The following FAM81A variants were observed in gnomAD, a reference collection of about 807,000 sequenced individuals.
FAM81A encodes protein FAM81A.
Under a neutral mutation model 46.7 loss-of-function variants are expected in FAM81A, and 19 were observed. The ratio of observed to expected loss-of-function variants is 0.41; its 90% CI spans 0.28 to 0.60. The LOEUF (loss-of-function observed/expected upper bound fraction) is 0.60. FAM81A is among the 20% of genes least tolerant of loss of function. FAM81A has a pLI of 0.34. For missense variants in FAM81A, 377 were observed against 453.5 expected, an observed-to-expected ratio of 0.83 and a Z score of 1.53; for synonymous variants, 183 against 152.9, an observed-to-expected ratio of 1.20 and a Z score of -1.45.
intron 3 of FAM81A, among the ~76,000 whole-genome samples, chr15:59,463,442 G>A (rs577223790): frequency 5.3e-5 from 8 of 152,198 alleles, no homozygotes; most frequent in African/African-American, 1.9e-4. Flanking sequence ...CTTTTTAAAA[G>A]GTAGTTTTGG....
intron 1 of FAM81A, among the ~76,000 whole-genome samples, chr15:59,453,576 T>C (rs978195695): frequency 3.3e-5 from 5 of 152,128 alleles, no homozygotes; most frequent in Non-Finnish European, 7.3e-5. Context: ...ACCACCATGT[T>C]TTCTATGAGA....
chr15:59,467,499 GCTCT>G (rs1336526423), intron 3 of FAM81A, among the ~76,000 whole-genome samples: 3 of 152,046 alleles, frequency 2.0e-5, no homozygotes, highest in East Asian at 1.9e-4. Context: ...TCATGATTTG[GCTCT>G]CTGTTTGTCT....
chr15:59,503,802 G>C (rs145788826), intron 4 of FAM81A, among the ~76,000 whole-genome samples: 1,881 of 152,138 alleles, frequency 0.012, 56 homozygotes, highest in African/African-American at 0.044. Context: ...CAAACTCCTG[G>C]CCTCAAGTGA....
chr15:59,451,892 C>T (rs1412759107), intron 1 of FAM81A, among the ~76,000 whole-genome samples: 2 of 152,182 alleles, frequency 1.3e-5, no homozygotes, highest in African/African-American at 4.8e-5. Flanking sequence ...TACTTCAATT[C>T]AGTTATCTCT....
intron 4 of FAM81A, among the ~76,000 whole-genome samples, chr15:59,499,919 C>T (rs1266236870): frequency 6.7e-5 from 10 of 148,534 alleles, no homozygotes; most frequent in Non-Finnish European, 8.9e-5. Flanking sequence ...GTGGCATGAT[C>T]TCAGCTCACT....
At chr15:59,435,917 T>C (rs1233446339), upstream of FAM81A, among the ~76,000 whole-genome samples, 1 of 151,546 alleles carries the variant, frequency 6.6e-6, no homozygotes, top group Non-Finnish European at 1.5e-5. Flanking sequence ...GGGAAAGAGT[T>C]GGAAAGAAAC....
rs1291037779 is a variant in FAM81A at position 59,460,031 on chromosome 15, A to G, written c.119A>G (p.His40Arg). 6.2e-7 allele frequency: 1 copy of G among 1,613,954 alleles called. No individual in the cohort carries two copies. Among genetic ancestry groups the G allele is most frequent in the Non-Finnish European group, 8.5e-7 (1 of 1,179,880 alleles). Residue 40 changes from histidine (H) to arginine (R), a missense_variant, in exon 3 of 9, where the codon CAT becomes CGT. Physicochemically the swap from His to Arg is conservative, Grantham distance 29. Coordinates refer to ENST00000288228, the MANE Select transcript of FAM81A (RefSeq NM_152450.3). The surrounding 1 kb of genome is among the most constrained non-coding windows in gnomAD (Gnocchi z 4.4). The stretch of plus-strand genomic sequence containing the variant: ...CAGCTGGAAGACAGGATCCTCTGCC[A>G]TGAGAAAACCACCGCCGCCCTCGTA... ...VEQLEDRILC[H>R]EKTTAALVEH...
intron 1 of FAM81A, among the ~76,000 whole-genome samples, chr15:59,443,169 G>A (rs550864494): frequency 2.6e-5 from 4 of 152,206 alleles, no homozygotes; most frequent in South Asian, 4.2e-4. Context: ...TGCAGCCTCC[G>A]CCTCCCTGGT....
At position 59,448,541 on chromosome 15, in the gene FAM81A, G is replaced by GATAGATAGATAGA. The variant is rs1555428230; in HGVS notation, c.-77-10009_-77-10008insATAGATAGATAGA. Among the ~76,000 whole-genome samples the GATAGATAGATAGA allele has an allele frequency of 8.1e-3, 1,227 of 151,918 alleles. 13 individuals are homozygous for GATAGATAGATAGA. Among genetic ancestry groups the GATAGATAGATAGA allele is most frequent in the South Asian group, 0.014 (69 of 4,808 alleles). ...AATGTTTAGTAAGATAGATAGATAG[G>GATAGATAGATAGA]TAGATAGATAGATAGATAAAGCATA... On this transcript the variant is annotated intron_variant, in intron 1 of 8. Transcript: ENST00000288228.
chr15:59,519,776 T>C lies in FAM81A; in HGVS notation c.983-1478T>C, dbSNP rs145762978. Among the ~76,000 whole-genome samples, 25 of 152,300 alleles carry C rather than the reference T, an allele frequency of 1.6e-4. No individual in the cohort carries two copies. In the East Asian group the frequency reaches 4.0e-3, roughly 25 times the overall value. On this transcript the variant is annotated intron_variant, in intron 8 of 8. Coordinates refer to ENST00000288228, the MANE Select transcript of FAM81A (RefSeq NM_152450.3). Reference sequence around the variant, plus strand: ...AAAGCTGAATAATATTCATCATTTGTATATATACACAATTTCTTTATTCAC... The same window carrying C: ...AAAGCTGAATAATATTCATCATTTGCATATATACACAATTTCTTTATTCAC...
intron 3 of FAM81A, among the ~76,000 whole-genome samples, chr15:59,477,409 A>G (rs531119069): frequency 7.9e-5 from 12 of 152,178 alleles, no homozygotes; most frequent in East Asian, 3.9e-4. Flanking sequence ...TTATATTACA[A>G]AAGTAAAGCT....
At position 59,521,301 on chromosome 15, in the gene FAM81A, G is replaced by C. The variant is rs762099996; in HGVS notation, c.1030G>C (p.Glu344Gln). 6.2e-7 allele frequency: 1 copy of C among 1,613,666 alleles called. No individual in the cohort carries two copies. Among genetic ancestry groups the C allele is most frequent in the African/African-American group, 1.3e-5 (1 of 74,898 alleles). The change falls in exon 9 of 9, where the codon GAG (glutamate) becomes CAG (glutamine). Residue 344 changes from glutamate to glutamine, a missense_variant. Coordinates refer to ENST00000288228, the MANE Select transcript of FAM81A (RefSeq NM_152450.3). ...ESIGSLRQVL[E>Q]AKMKLDRDQL... ...CATAGGATCCCTCAGGCAAGTTCTC[G>C]AGGCCAAGATGAAGCTGGACAGGGA...
At chr15:59,416,591 G>A (rs540136063) in intron 2 of FAM81A, among the ~76,000 whole-genome samples, 3 of 152,024 alleles carry the variant, frequency 2.0e-5, no homozygotes, top group Non-Finnish European at 4.4e-5. Flanking sequence ...TGTGGGGTGG[G>A]GCATCAACAT....
At chr15:59,491,069 C>T (rs2081975434) in intron 3 of FAM81A, among the ~76,000 whole-genome samples, 1 of 152,082 alleles carries the variant, frequency 6.6e-6, no homozygotes, top group Admixed American at 6.6e-5. Context: ...TAGGTATATA[C>T]CTACAAGAAA....
chr15:59,454,653 T>A lies in FAM81A; in HGVS notation c.-77-3897T>A, dbSNP rs181277665. On this transcript the variant is annotated intron_variant, in intron 1 of 8. Coordinates refer to ENST00000288228, the MANE Select transcript of FAM81A (RefSeq NM_152450.3). ...TCTTTTTTCTTTTTTTGAGACAGGG[T>A]CTTACTCTGTCACCCAGGCTAGAGT... Among the ~76,000 whole-genome samples the A allele has an allele frequency of 3.3e-3, 506 of 152,124 alleles. 3 individuals are homozygous for A. The highest frequency in any genetic ancestry group is 4.3e-3 in the Non-Finnish European group (293 of 68,004).
intron 3 of FAM81A, among the ~76,000 whole-genome samples, chr15:59,461,471 T>A (rs575058168): frequency 6.6e-6 from 1 of 152,114 alleles, no homozygotes; most frequent in South Asian, 2.1e-4. Context: ...TTTTTAATAC[T>A]ACAAGGTCCA....
At position 59,460,294 on chromosome 15, in the gene FAM81A, C is replaced by G. The variant is rs748621376; in HGVS notation, c.294+88C>G. 6.6e-7 allele frequency: 1 copy of G among 1,518,268 alleles called. No individual in the cohort carries two copies. Among genetic ancestry groups the G allele is most frequent in the Admixed American group, 1.7e-5 (1 of 59,892 alleles). The allele number at this position is 1,518,268 out of a possible 1,614,324, so 94.0% of individuals were successfully genotyped here. ...GTCACCCACATCTAACTCCTACCTC[C>G]CAGGCAGTACTGCATTTAGAACAAA... is the stretch of plus-strand genomic sequence containing the variant. On this transcript the variant is annotated intron_variant, in intron 3 of 8. Transcript: ENST00000288228. The surrounding 1 kb of genome is among the most constrained non-coding windows in gnomAD (Gnocchi z 4.4).
intron 1 of FAM81A, chr15:59,443,910 C>T (rs1475115669): frequency 6.6e-6 from 1 of 152,524 alleles, no homozygotes; most frequent in African/African-American, 2.4e-5. Flanking sequence ...TAGTCCTCAC[C>T]AATCAGCATT....
At chr15:59,401,193 C>A (rs2081068498) in intron 1 of FAM81A, 2 of 821,994 alleles carry the variant, frequency 2.4e-6, no homozygotes, top group South Asian at 2.7e-5. Context: ...GGTGCGTAGT[C>A]CTCAATAATT....
Sources: gnomAD v4.1 joint callset for allele counts (sites outside exome capture counted in the v4.1 genomes callset) on GRCh38, gnomAD v4.1.1 for gene constraint, Gnocchi (gnomAD v3.1) non-coding constraint, MANE v1.5 for transcripts, NCBI Gene and HGNC (gene_info 2026-07-23, HGNC 2026-07-21) for gene names.